The following LRRC7 variants were observed in gnomAD, a reference collection of about 807,000 sequenced individuals.
LRRC7 encodes leucine rich repeat containing 7.
Under a neutral mutation model 175.7 loss-of-function variants are expected in LRRC7, and 23 were observed. The ratio of observed to expected loss-of-function variants is 0.13; its 90% confidence interval spans 0.09 to 0.19. LRRC7 has a LOEUF of 0.19. Among genes scored for constraint, LRRC7 ranks in the 10% least tolerant of loss-of-function variants. The pLI, the probability that LRRC7 is intolerant of heterozygous loss-of-function variation, is 1.00. For synonymous variants in LRRC7, 685 were observed against 680.9 expected, an observed-to-expected ratio of 1.01 and a Z score of -0.09; for missense variants, 1,354 against 1,904.7, an observed-to-expected ratio of 0.71 and a Z score of 5.38.
At chr1:69,870,236 A>G (rs974212209) in intron 7 of LRRC7, among the ~76,000 whole-genome samples, 7 of 152,130 alleles carry the variant, frequency 4.6e-5, no homozygotes, top group Non-Finnish European at 1.0e-4. Flanking sequence ...AACAAGAAAT[A>G]AATGTCAACG....
At chr1:69,704,195 T>C (rs1663736595) in intron 2 of LRRC7, among the ~76,000 whole-genome samples, 1 of 152,074 alleles carries the variant, frequency 6.6e-6, no homozygotes, top group African/African-American at 2.4e-5. Flanking sequence ...TAAAAGACTT[T>C]TTTCACTTAA....
At chr1:69,717,973 G>GA (rs1557642474) in intron 2 of LRRC7, among the ~76,000 whole-genome samples, 9 of 107,240 alleles carry the variant, frequency 8.4e-5, no homozygotes, top group East Asian at 2.6e-4. Context: ...AAGAAAGAAA[G>GA]AGAAAGAAAG....
intron 7 of LRRC7, among the ~76,000 whole-genome samples, chr1:69,907,850 T>C (rs567343144): frequency 1.3e-5 from 2 of 152,228 alleles, no homozygotes; most frequent in South Asian, 4.1e-4. Flanking sequence ...CAGTTCCTCC[T>C]TGTACCTCTG....
chr1:69,807,047 G>A (rs1282333885), intron 4 of LRRC7, among the ~76,000 whole-genome samples: 2 of 152,088 alleles, frequency 1.3e-5, no homozygotes, highest in African/African-American at 2.4e-5. Context: ...TTACCATTAT[G>A]TAATGTCCTT....
intron 7 of LRRC7, among the ~76,000 whole-genome samples, chr1:69,867,615 G>A (rs1222258299): frequency 6.6e-6 from 1 of 152,100 alleles, no homozygotes; most frequent in Non-Finnish European, 1.5e-5. Flanking sequence ...TGGAAATTAC[G>A]AGAACCAATT....
intron 21 of LRRC7, among the ~76,000 whole-genome samples, chr1:70,043,600 T>C (rs1010629455): frequency 6.6e-6 from 1 of 152,198 alleles, no homozygotes; most frequent in Admixed American, 6.5e-5. Context: ...ATTTAAGGTC[T>C]CACTGTTCGA....
chr1:70,111,171 A>G (rs898161542), intron 26 of LRRC7, among the ~76,000 whole-genome samples: 3 of 152,140 alleles, frequency 2.0e-5, no homozygotes, highest in Admixed American at 6.5e-5. Context: ...GTCTTTCCTA[A>G]TCCCTCTTCC....
chr1:70,023,249 G>A lies in LRRC7; in HGVS notation c.1669G>A (p.Val557Ile), dbSNP rs200897551. Residue 557 changes from valine to isoleucine, a missense_variant, in exon 17 of 27, where the codon GTC becomes ATC. Val to Ile is a conservative substitution (Grantham distance 29, BLOSUM62 3). Transcript: ENST00000651989. ...TGATCAGCAGATCCAAGATATGCCCGTCCCCCAGAATGACCCACAGCTGGC... is the reference window on the plus strand; with the variant it reads ...TGATCAGCAGATCCAAGATATGCCCATCCCCCAGAATGACCCACAGCTGGC... The part of the protein sequence containing the change: ...RCDQQIQDMP[V>I]PQNDPQLAWG... 351 of 1,612,894 alleles carry A rather than the reference G, an allele frequency of 2.2e-4. No homozygotes were observed. Among genetic ancestry groups the A allele is most frequent in the East Asian group, 9.6e-4 (43 of 44,766 alleles).
intron 2 of LRRC7, among the ~76,000 whole-genome samples, chr1:69,697,700 T>C (rs1207973291): frequency 1.3e-5 from 2 of 152,206 alleles, no homozygotes; most frequent in African/African-American, 4.8e-5. Context: ...CTTGCATAGC[T>C]AAAGCTGACA....
intron 11 of LRRC7, among the ~76,000 whole-genome samples, chr1:69,997,237 G>C (rs12060100): frequency 0.071 from 10,731 of 152,128 alleles, 796 homozygotes; most frequent in African/African-American, 0.19. Context: ...TGTGATTTTT[G>C]TACATTGATT....
intron 1 of LRRC7, among the ~76,000 whole-genome samples, chr1:69,596,974 G>A (rs778992200): frequency 1.3e-5 from 2 of 152,226 alleles, no homozygotes; most frequent in Non-Finnish European, 2.9e-5. Context: ...GGCACGCAGA[G>A]AATGATTAAC....
intron 25 of LRRC7, among the ~76,000 whole-genome samples, chr1:70,096,096 G>A (rs972219982): frequency 3.3e-5 from 5 of 151,860 alleles, no homozygotes; most frequent in South Asian, 4.2e-4. Flanking sequence ...TCCTGCCTCC[G>A]CCTCCCGAGT....
intron 7 of LRRC7, among the ~76,000 whole-genome samples, chr1:69,900,604 TCTC>T (rs773082062): frequency 1.5e-4 from 23 of 152,138 alleles, no homozygotes; most frequent in Non-Finnish European, 2.8e-4. Flanking sequence ...TAATAAATAT[TCTC>T]CTCAACAATT....
At chr1:69,816,490 G>A (rs569767037) in intron 4 of LRRC7, among the ~76,000 whole-genome samples, 171 of 152,234 alleles carry the variant, frequency 1.1e-3, no homozygotes, top group African/African-American at 4.0e-3. Flanking sequence ...AGTTGTTTTA[G>A]CAATTGCATG....
chr1:69,659,140 T>C (rs1028701411), intron 1 of LRRC7, among the ~76,000 whole-genome samples: 23 of 152,074 alleles, frequency 1.5e-4, no homozygotes, highest in African/African-American at 4.6e-4. Flanking sequence ...CACACTCAAA[T>C]GTCCTGCTGG....
chr1:69,973,766 A>G (rs1652519483), intron 8 of LRRC7, among the ~76,000 whole-genome samples: 1 of 152,128 alleles, frequency 6.6e-6, no homozygotes, highest in Admixed American at 6.5e-5. Flanking sequence ...TTGTATTTTT[A>G]GTAGAGATGG....
At position 70,129,622 on chromosome 1, in the gene LRRC7, C is replaced by T. The variant is rs1666588209; in HGVS notation, c.*7735C>T. Among the ~76,000 whole-genome samples, 1 of 152,154 alleles carries T rather than the reference C, an allele frequency of 6.6e-6. No homozygotes were observed. The highest frequency in any genetic ancestry group is 2.4e-5 in the African/African-American group (1 of 41,410). ...CTGTCAGGGAGCGTGGGAATCCATG[C>T]TGTCCAATGTTAGAATGACCCACTC... On this transcript the variant is annotated 3_prime_UTR_variant, in exon 27 of 27. Transcript: ENST00000651989.
chr1:69,868,615 G>A (rs1685179593), intron 7 of LRRC7, among the ~76,000 whole-genome samples: 1 of 152,044 alleles, frequency 6.6e-6, no homozygotes, highest in Non-Finnish European at 1.5e-5. Flanking sequence ...CACTGTGGGG[G>A]TTTGCTACAT....
At chr1:70,065,552 T>G (rs967880118) in intron 23 of LRRC7, among the ~76,000 whole-genome samples, 7 of 151,972 alleles carry the variant, frequency 4.6e-5, no homozygotes, top group African/African-American at 1.4e-4. Flanking sequence ...AACAATAGGT[T>G]GTTAATGAGA....
Sources: gnomAD v4.1 joint callset for allele counts (sites outside exome capture counted in the v4.1 genomes callset) on GRCh38, gnomAD v4.1.1 for gene constraint, MANE v1.5 for transcripts, NCBI Gene and HGNC (gene_info 2026-07-23, HGNC 2026-07-21) for gene names.